Variants in MAPKAPK3 observed in about 807,000 individuals in gnomAD.
MAPKAPK3 encodes the protein MAP kinase-activated protein kinase 3.
Under a neutral mutation model 49.2 loss-of-function variants are expected in MAPKAPK3, and 35 were observed. The observed-to-expected ratio is 0.71, with a 90% CI of 0.54 to 0.94. The LOEUF (loss-of-function observed/expected upper bound fraction) is 0.94, where lower values mean the gene tolerates loss of function less well. MAPKAPK3 is among the 40% of genes least tolerant of loss of function. MAPKAPK3 has a pLI of 0.00. For synonymous variants in MAPKAPK3, 178 were observed against 188.7 expected, an observed-to-expected ratio of 0.94 and a Z score of 0.46; for missense variants, 398 against 493.1, an observed-to-expected ratio of 0.81 and a Z score of 1.83.
rs574279419 is a variant in MAPKAPK3 at position 50,630,142 on chromosome 3, T to G, written c.220-10224T>G. ...AGGGGCTGGCCTTCTCCATCTTGCC[T>G]GTTCTGCCAGGTTCTGGTTCTGGAA... On this transcript the variant is annotated intron_variant, in intron 2 of 10. Coordinates refer to ENST00000621469, the MANE Select transcript of MAPKAPK3 (RefSeq NM_001243925.2). Among the ~76,000 whole-genome samples the G allele has an allele frequency of 9.8e-5, 15 of 152,326 alleles. No homozygotes were observed. In the East Asian group the frequency reaches 1.5e-3, roughly 16 times the overall value.
upstream of MAPKAPK3, among the ~76,000 whole-genome samples, chr3:50,616,823 G>A (rs1045206630): frequency 1.3e-5 from 2 of 152,092 alleles, no homozygotes; most frequent in Non-Finnish European, 2.9e-5. Flanking sequence ...CCGACTCAAG[G>A]AGAGCTTTCA....
chr3:50,618,781 C>T (rs1385313947), intron 2 of MAPKAPK3, among the ~76,000 whole-genome samples: 1 of 152,184 alleles, frequency 6.6e-6, no homozygotes, highest in East Asian at 1.9e-4. Flanking sequence ...CCTCCACCTC[C>T]CAGGTTCAAG....
intron 6 of MAPKAPK3, 101 bp from the exon 7 acceptor site, chr3:50,645,609 C>A: frequency 1.2e-6 from 1 of 868,094 alleles, no homozygotes; most frequent in South Asian, 1.5e-5. Context: ...CCCTACCTCC[C>A]AGCCCAGGTA....
chr3:50,642,426 C>T, intron 5 of MAPKAPK3, 94 bp downstream of exon 5: 1 of 885,564 alleles, frequency 1.1e-6, no homozygotes, highest in Non-Finnish European at 1.9e-6. Flanking sequence ...TGGATGGAGG[C>T]CATGTTCCCT....
chr3:50,626,086 C>CG (rs1168074998), intron 2 of MAPKAPK3, among the ~76,000 whole-genome samples: 1 of 151,932 alleles, frequency 6.6e-6, no homozygotes, highest in Admixed American at 6.6e-5. Context: ...CGCCACCCCC[C>CG]CATGGCTTGT....
chr3:50,645,618 T>C, intron 6 of MAPKAPK3, 92 bp from the exon 7 acceptor site: 1 of 960,034 alleles, frequency 1.0e-6, no homozygotes, highest in Admixed American at 1.9e-5. Context: ...CCAGCCCAGG[T>C]ACCTGCTCCC....
At chr3:50,627,184 C>CAA (rs144747460) in intron 2 of MAPKAPK3, among the ~76,000 whole-genome samples, 1 of 91,322 alleles carries the variant, frequency 1.1e-5, no homozygotes, top group African/African-American at 4.2e-5. Context: ...AACTCCATCT[C>CAA]AAAAAAAAAA....
intron 2 of MAPKAPK3, among the ~76,000 whole-genome samples, chr3:50,623,689 G>T (rs551465514): frequency 6.6e-6 from 1 of 152,392 alleles, no homozygotes; most frequent in Non-Finnish European, 1.5e-5. Flanking sequence ...GAGGTCAGCA[G>T]CTTGCCCAAA....
At chr3:50,642,219 G>A in intron 4 of MAPKAPK3, 34 bp from the exon 5 acceptor site, 1 of 1,437,332 alleles carries the variant, frequency 7.0e-7, no homozygotes, top group African/African-American at 1.4e-5. Flanking sequence ...CCTTTGACTG[G>A]CATCACTGAC....
intron 5 of MAPKAPK3, 87 bp downstream of exon 5, chr3:50,642,419 A>G: frequency 1.1e-6 from 1 of 931,024 alleles, no homozygotes. Context: ...GACCCACTGG[A>G]TGGAGGCCAT....
chr3:50,618,442 C>G (rs1021492562), intron 2 of MAPKAPK3, among the ~76,000 whole-genome samples: 5 of 152,110 alleles, frequency 3.3e-5, no homozygotes, highest in African/African-American at 1.2e-4. Flanking sequence ...ACTATAGGCT[C>G]CCTGGAGACC....
intron 2 of MAPKAPK3, among the ~76,000 whole-genome samples, chr3:50,619,224 A>G (rs1251213324): frequency 6.6e-6 from 1 of 152,198 alleles, no homozygotes; most frequent in African/African-American, 2.4e-5. Context: ...GGACTTATTT[A>G]AGGCACAAGG....
intron 2 of MAPKAPK3, among the ~76,000 whole-genome samples, chr3:50,620,958 A>G (rs2032595747): frequency 6.6e-6 from 1 of 152,184 alleles, no homozygotes; most frequent in Non-Finnish European, 1.5e-5. Context: ...GATTTGTCAC[A>G]CATCAGTTAC....
intron 2 of MAPKAPK3, among the ~76,000 whole-genome samples, chr3:50,623,989 G>A (rs2032673140): frequency 6.6e-6 from 1 of 152,234 alleles, no homozygotes. Context: ...GTCCCATGAG[G>A]CCAGCACACA....
intron 2 of MAPKAPK3, among the ~76,000 whole-genome samples, chr3:50,620,912 C>G (rs1418088721): frequency 6.6e-6 from 1 of 152,186 alleles, no homozygotes; most frequent in Non-Finnish European, 1.5e-5. Flanking sequence ...TTAATTAGTA[C>G]CTTCAGCTTT....
intron 7 of MAPKAPK3, 127 bp from the exon 8 acceptor site, chr3:50,646,013 C>T (rs2033282009): frequency 7.8e-7 from 1 of 1,280,378 alleles, no homozygotes; most frequent in Non-Finnish European, 1.1e-6. Context: ...GCCTGGGAGT[C>T]CGGAGGGCTG....
At chr3:50,611,551 G>A (rs1412151939), upstream of MAPKAPK3, 32 of 1,521,514 alleles carry the variant, frequency 2.1e-5, no homozygotes, top group South Asian at 6.1e-5. Context: ...CCCTCCCAAT[G>A]CCCGGCAGCT....
chr3:50,629,601 G>T (rs2107583466), intron 2 of MAPKAPK3, among the ~76,000 whole-genome samples: 1 of 152,328 alleles, frequency 6.6e-6, no homozygotes, highest in South Asian at 2.1e-4. Context: ...CCACAGGGGA[G>T]TTGGGAATAG....
At chr3:50,636,743 A>G (rs2033049164) in intron 2 of MAPKAPK3, among the ~76,000 whole-genome samples, 1 of 152,144 alleles carries the variant, frequency 6.6e-6, no homozygotes, top group Non-Finnish European at 1.5e-5. Context: ...CTGGAGGAGA[A>G]GGCTCTGGCT....
Sources: gnomAD v4.1 joint callset for allele counts (sites outside exome capture counted in the v4.1 genomes callset) on GRCh38, gnomAD v4.1.1 for gene constraint, MANE v1.5 for transcripts, NCBI Gene and HGNC (gene_info 2026-07-23, HGNC 2026-07-21) for gene names.